The following OSBPL9 variants were observed in gnomAD, a reference collection of about 807,000 sequenced individuals.
OSBPL9 encodes the protein oxysterol binding protein like 9.
A neutral mutation model predicts 106.6 loss-of-function variants in OSBPL9; 40 were observed. The ratio of observed to expected loss-of-function variants is 0.38; its 90% CI spans 0.29 to 0.49. The LOEUF is 0.49. Ranked by LOEUF, OSBPL9 falls within the 20% of genes least tolerant of loss-of-function variation. The pLI is 0.97. For missense variants in OSBPL9, 609 were observed against 887.2 expected (o/e 0.69, Z 3.98); for synonymous variants, 269 against 295.4 (o/e 0.91, Z 0.92).
chr1:51,650,317 C>T (rs1443723891), intron 1 of OSBPL9, among the ~76,000 whole-genome samples: 2 of 152,128 alleles, frequency 1.3e-5, no homozygotes, highest in Non-Finnish European at 2.9e-5. Flanking sequence ...TGAATATATT[C>T]TTACCTTGTT....
At chr1:51,609,776 T>G (rs57557799) in intron 2 of OSBPL9, among the ~76,000 whole-genome samples, 3,465 of 150,728 alleles carry the variant, frequency 0.023, 76 homozygotes, top group Middle Eastern at 0.09. Context: ...AGACGGAGTT[T>G]TGCTCTTGTT....
chr1:51,706,859 T>TA (rs1382996393), intron 3 of OSBPL9, among the ~76,000 whole-genome samples: 1 of 152,188 alleles, frequency 6.6e-6, no homozygotes, highest in Non-Finnish European at 1.5e-5. Context: ...TATTTATTTT[T>TA]AAAAATTCCA....
upstream of OSBPL9, among the ~76,000 whole-genome samples, chr1:51,616,160 T>A (rs2148608837): frequency 6.6e-6 from 1 of 152,236 alleles, no homozygotes; most frequent in Non-Finnish European, 1.5e-5. Flanking sequence ...AATTTTTGTA[T>A]GTTTAGTAGA....
the OSBPL9 span, among the ~76,000 whole-genome samples, chr1:51,529,168 G>A: frequency 6.6e-6 from 1 of 151,958 alleles, no homozygotes; most frequent in African/African-American, 2.4e-5. Context: ...AAATTCATAT[G>A]GAATTTCCAG....
At chr1:51,713,574 C>T (rs1660509332) in intron 3 of OSBPL9, among the ~76,000 whole-genome samples, 1 of 152,204 alleles carries the variant, frequency 6.6e-6, no homozygotes, top group African/African-American at 2.4e-5. Flanking sequence ...GTCCGGTCTG[C>T]AATTCCTCTC....
intron 2 of OSBPL9, among the ~76,000 whole-genome samples, chr1:51,600,931 C>T (rs1645322960): frequency 6.6e-6 from 1 of 152,160 alleles, no homozygotes; most frequent in South Asian, 2.1e-4. Flanking sequence ...TAATAGATAT[C>T]AGAAAGCTGT....
At chr1:51,749,432 C>T in intron 7 of OSBPL9, 1 of 293,498 alleles carries the variant, frequency 3.4e-6, no homozygotes, top group South Asian at 3.1e-5. Context: ...CCTGCTTCAG[C>T]CATTTGAGTA....
At chr1:51,695,871 A>G (rs1655913046) in intron 3 of OSBPL9, among the ~76,000 whole-genome samples, 2 of 152,222 alleles carry the variant, frequency 1.3e-5, no homozygotes, top group South Asian at 2.1e-4. Context: ...TTTATTATTT[A>G]CAGTTAGAGA....
At chr1:51,715,536 G>T (rs957221466) in intron 4 of OSBPL9, among the ~76,000 whole-genome samples, 2 of 151,846 alleles carry the variant, frequency 1.3e-5, no homozygotes, top group Non-Finnish European at 2.9e-5. Context: ...CCTCCACCCC[G>T]TGCGTTCTAG....
intron 2 of OSBPL9, among the ~76,000 whole-genome samples, chr1:51,599,249 A>AACAAGC (rs1186711958): frequency 6.6e-6 from 1 of 152,220 alleles, no homozygotes; most frequent in Non-Finnish European, 1.5e-5. Flanking sequence ...CTTCTGTTAT[A>AACAAGC]ACAAGCACTG....
upstream of OSBPL9, among the ~76,000 whole-genome samples, chr1:51,574,748 A>G (rs1184088492): frequency 6.6e-6 from 1 of 152,236 alleles, no homozygotes; most frequent in Non-Finnish European, 1.5e-5. Context: ...AGAGGGACTC[A>G]TCCCTTACAC....
At chr1:51,573,458 A>G (rs1645164225), upstream of OSBPL9, among the ~76,000 whole-genome samples, 5 of 140,688 alleles carry the variant, frequency 3.6e-5, no homozygotes, top group South Asian at 1.2e-3. Context: ...TGGTGAGCCG[A>G]GATTGTACCA....
In OSBPL9 at chr1:51,678,945, A is replaced by G. The variant is rs373414388; in HGVS notation, c.241+9433A>G. On this transcript the variant is annotated intron_variant, in intron 3 of 23. Transcript: ENST00000428468. ...ATTATCAGTAGGACTGTTGACTTTA[A>G]AAAATTTCCCTCTGTTGTTTCATAT... 4.7e-4 allele frequency among the ~76,000 whole-genome samples: 72 copies of G among 152,368 alleles called. 3 individuals carry two copies. The South Asian group carries it at 0.012, about 25-fold the overall frequency.
the OSBPL9 span, among the ~76,000 whole-genome samples, chr1:51,540,474 G>A: frequency 6.6e-6 from 1 of 151,540 alleles, no homozygotes; most frequent in Non-Finnish European, 1.5e-5. Flanking sequence ...GGCCAACATT[G>A]TGAAACCCCA....
chr1:51,698,969 A>T (rs1242513822), intron 3 of OSBPL9, among the ~76,000 whole-genome samples: 1 of 152,162 alleles, frequency 6.6e-6, no homozygotes, highest in African/African-American at 2.4e-5. Context: ...ATTAGAGTAG[A>T]GGTTTGTTTA....
the OSBPL9 span, among the ~76,000 whole-genome samples, chr1:51,534,917 A>T: frequency 2.8e-4 from 43 of 152,116 alleles, no homozygotes; most frequent in Non-Finnish European, 3.8e-4. Flanking sequence ...GACAGGCTCT[A>T]ATTTTTCTGT....
chr1:51,711,861 C>G (rs933381521), intron 3 of OSBPL9, among the ~76,000 whole-genome samples: 2 of 150,920 alleles, frequency 1.3e-5, no homozygotes, highest in Non-Finnish European at 3.0e-5. Context: ...TGATGGTGGC[C>G]GGGAAGAGGC....
chr1:51,668,061 CT>C (rs1184088042), intron 2 of OSBPL9, among the ~76,000 whole-genome samples: 1 of 152,054 alleles, frequency 6.6e-6, no homozygotes, highest in African/African-American at 2.4e-5. Context: ...AGTAGTCCCC[CT>C]ATGTAGCCTT....
intron 1 of OSBPL9, among the ~76,000 whole-genome samples, chr1:51,632,656 C>T (rs1306570619): frequency 8.4e-6 from 1 of 118,500 alleles, no homozygotes; most frequent in East Asian, 2.0e-4. Flanking sequence ...GGAAAGCCTG[C>T]GATGGGGGGA....
Sources: gnomAD v4.1 joint callset for allele counts (sites outside exome capture counted in the v4.1 genomes callset) on GRCh38, gnomAD v4.1.1 for gene constraint, MANE v1.5 for transcripts, NCBI Gene and HGNC (gene_info 2026-07-23, HGNC 2026-07-21) for gene names.